DHX57: variants seen among roughly 807,000 people sequenced by gnomAD.
DHX57 encodes the protein putative ATP-dependent RNA helicase DHX57.
In DHX57, 105 loss-of-function variants were observed where a neutral mutation model predicts 156.2. The observed-to-expected ratio is 0.67, with a 90% CI of 0.57 to 0.79. DHX57 has a LOEUF of 0.79. DHX57 is among the 30% of genes least tolerant of loss of function. DHX57 has a pLI of 0.00. For missense variants in DHX57, 1,847 were observed against 1,661.9 expected (o/e 1.11, Z -1.94); for synonymous variants, 704 against 595.6 (o/e 1.18, Z -2.65).
At chr2:38,842,958 T>C in intron 12 of DHX57, 47 bp downstream of exon 12, 1 of 1,581,356 alleles carries the variant, frequency 6.3e-7, no homozygotes, top group Non-Finnish European at 8.7e-7. Flanking sequence ...GAAAGAATAC[T>C]AGAAATCTTT....
chr2:38,810,992 T>C (rs995967449), intron 21 of DHX57: 2 of 778,748 alleles, frequency 2.6e-6, no homozygotes, highest in African/African-American at 3.4e-5. Flanking sequence ...GGGACCCCTT[T>C]TTTACTCAGT....
intron 10 of DHX57, among the ~76,000 whole-genome samples, chr2:38,847,476 C>G (rs1672352883): frequency 6.6e-6 from 1 of 152,164 alleles, no homozygotes; most frequent in Non-Finnish European, 1.5e-5. Flanking sequence ...TATTTTTTAT[C>G]AGTCAGTGTT....
At chr2:38,813,359 T>C (rs941430736) in intron 21 of DHX57, among the ~76,000 whole-genome samples, 5 of 152,058 alleles carry the variant, frequency 3.3e-5, no homozygotes, top group Admixed American at 6.6e-5. Flanking sequence ...AACTGAAGGA[T>C]TGAAAATGTA....
chr2:38,802,830 G>A lies in DHX57; in HGVS notation c.3902C>T (p.Ser1301Phe). The A allele has an allele frequency of 6.2e-7, 1 of 1,614,136 alleles. No homozygotes were observed. Among genetic ancestry groups the A allele is most frequent in the Non-Finnish European group, 8.5e-7 (1 of 1,180,034 alleles). ...RVFIRDCSMV[S>F]VYPLVLFGGG... ...TCCAAACAAGACCAGCGGGTACACAGACACCATGCTGCAGTCTCGGATGAA... is the reference window on the plus strand; with the variant it reads ...TCCAAACAAGACCAGCGGGTACACAAACACCATGCTGCAGTCTCGGATGAA... Residue 1301 changes from serine to phenylalanine, a missense_variant, in exon 23 of 24, where the codon TCT (serine) becomes TTT (phenylalanine). Ser to Phe is a radical substitution (Grantham distance 155). Coordinates refer to ENST00000457308, the MANE Select transcript of DHX57 (RefSeq NM_198963.3).
chr2:38,853,722 G>T (rs1043138266), intron 9 of DHX57: 1 of 161,666 alleles, frequency 6.2e-6, no homozygotes, highest in Non-Finnish European at 1.3e-5. Flanking sequence ...AAATAAACAA[G>T]GAAGAAGATA....
chr2:38,863,947 G>C (rs1480145687), intron 2 of DHX57, among the ~76,000 whole-genome samples: 2 of 151,992 alleles, frequency 1.3e-5, no homozygotes, highest in Non-Finnish European at 2.9e-5. Flanking sequence ...TGGAGGTAGA[G>C]GTTGCAGTAA....
chr2:38,806,991 G>A (rs1468769027), intron 21 of DHX57, among the ~76,000 whole-genome samples: 1 of 151,364 alleles, frequency 6.6e-6, no homozygotes, highest in Non-Finnish European at 1.5e-5. Context: ...ATGATCAGGT[G>A]CAGTGACCCA....
intron 16 of DHX57, 140 bp downstream of exon 16, chr2:38,825,707 T>C: frequency 1.2e-6 from 1 of 849,258 alleles, no homozygotes; most frequent in Middle Eastern, 3.6e-4. Context: ...ACTAAGGATA[T>C]CTTTCTTCAC....
chr2:38,856,255 T>A (rs1438988508), intron 7 of DHX57, 85 bp downstream of exon 7: 7 of 1,517,638 alleles, frequency 4.6e-6, no homozygotes. Context: ...AGCTACAGTT[T>A]TTAACAAGTT....
chr2:38,849,095 C>T (rs576444824), intron 9 of DHX57, among the ~76,000 whole-genome samples: 1 of 152,252 alleles, frequency 6.6e-6, no homozygotes, highest in Admixed American at 6.5e-5. Flanking sequence ...CAAAGAGGCA[C>T]ATACAAAGAT....
At chr2:38,811,997 A>C (rs1237279077) in intron 21 of DHX57, among the ~76,000 whole-genome samples, 1 of 151,990 alleles carries the variant, frequency 6.6e-6, no homozygotes, top group Non-Finnish European at 1.5e-5. Flanking sequence ...GAGCTCAAGC[A>C]ATCCGCCCAC....
intron 14 of DHX57, 85 bp from the exon 15 acceptor site, chr2:38,826,774 C>T (rs1671108961): frequency 7.0e-7 from 1 of 1,422,370 alleles, no homozygotes; most frequent in Non-Finnish European, 9.6e-7. Context: ...CTAAAACCAA[C>T]AATATGACTT....
In DHX57 at chr2:38,859,479, C is replaced by G. The variant is rs964770048; in HGVS notation, c.1412-643G>C. ...AAAAGGTGGTTATTGTTGCATAATT[C>G]TATAAAAATACTAAAAACCATTGAA... is the stretch of plus-strand genomic sequence containing the variant. On this transcript the variant is annotated intron_variant, in intron 5 of 23. Coordinates refer to ENST00000457308, the MANE Select transcript of DHX57 (RefSeq NM_198963.3). Among the ~76,000 whole-genome samples, 5 of 152,170 alleles carry G rather than the reference C, an allele frequency of 3.3e-5. No homozygotes were observed. In the South Asian group the frequency reaches 8.3e-4, roughly 25 times the overall value.
chr2:38,825,167 A>T (rs551419988), intron 16 of DHX57, among the ~76,000 whole-genome samples: 10 of 152,342 alleles, frequency 6.6e-5, no homozygotes, highest in African/African-American at 2.4e-4. Flanking sequence ...TTGCCAATCT[A>T]TATACACACA....
intron 17 of DHX57, among the ~76,000 whole-genome samples, chr2:38,820,442 A>G (rs2148555516): frequency 6.6e-6 from 1 of 152,240 alleles, no homozygotes; most frequent in African/African-American, 2.4e-5. Context: ...AACGTCTCTA[A>G]TGAGTCTTTC....
intron 2 of DHX57, among the ~76,000 whole-genome samples, chr2:38,867,565 T>C: frequency 6.6e-6 from 1 of 152,098 alleles, no homozygotes. Flanking sequence ...GGCTGTTCAA[T>C]GTTTGTTTTT....
At chr2:38,856,656 A>G (rs1672916520) in intron 6 of DHX57, 195 bp from the exon 7 acceptor site, 1 of 562,628 alleles carries the variant, frequency 1.8e-6, no homozygotes, top group Non-Finnish European at 2.8e-6. Flanking sequence ...GGTGTGTGCC[A>G]CTATACCCGG....
At chr2:38,835,721 A>T (rs927935652) in intron 13 of DHX57, among the ~76,000 whole-genome samples, 1 of 152,256 alleles carries the variant, frequency 6.6e-6, no homozygotes, top group South Asian at 2.1e-4. Context: ...GGATTACTTC[A>T]TTGAAGATGC....
intron 22 of DHX57, 121 bp from the exon 23 acceptor site, chr2:38,803,036 G>C: frequency 1.9e-6 from 2 of 1,053,214 alleles, no homozygotes; most frequent in Non-Finnish European, 2.8e-6. Flanking sequence ...TCTATAGCCC[G>C]TGACTTTCCT....
Sources: allele counts gnomAD v4.1 joint callset (sites outside exome capture counted in the v4.1 genomes callset), GRCh38; gene constraint gnomAD v4.1.1; transcripts MANE v1.5; gene names NCBI Gene and HGNC (gene_info 2026-07-23, HGNC 2026-07-21).